Variants in LMBR1 observed in about 807,000 individuals in gnomAD.
LMBR1 encodes the protein limb development membrane protein 1, also known as limb region 1 protein homolog.
LMBR1 carries 52 observed loss-of-function variants against 73.9 expected under a neutral mutation model. The observed-to-expected ratio is 0.70, with a 90% CI of 0.56 to 0.89. The LOEUF (loss-of-function observed/expected upper bound fraction) is 0.89, where lower values mean the gene tolerates loss of function less well. Ranked by LOEUF, LMBR1 falls within the 40% of genes least tolerant of loss-of-function variation. LMBR1 has a pLI of 0.00. For synonymous variants in LMBR1, 215 were observed against 209.4 expected (o/e 1.03, Z -0.23); for missense variants, 539 against 579.8 (o/e 0.93, Z 0.72).
At chr7:156,785,751 C>CA (rs1039832750) in intron 5 of LMBR1, among the ~76,000 whole-genome samples, 8 of 152,060 alleles carry the variant, frequency 5.3e-5, no homozygotes, top group Admixed American at 3.3e-4. Context: ...CCAAAGAATG[C>CA]AAAAAAGTTA....
intron 15 of LMBR1, among the ~76,000 whole-genome samples, chr7:156,691,743 T>TAA (rs35083004): frequency 0.026 from 3,872 of 150,288 alleles, 161 homozygotes; most frequent in African/African-American, 0.087. Context: ...CTTGTTATTT[T>TAA]AAAAAAAAAA....
chr7:156,769,139 C>T (rs1475431368), intron 5 of LMBR1, among the ~76,000 whole-genome samples: 3 of 152,108 alleles, frequency 2.0e-5, no homozygotes, highest in Non-Finnish European at 2.9e-5. Context: ...AGCTACATCA[C>T]AGATGGAATA....
chr7:156,735,395 T>C (rs1218410192), intron 9 of LMBR1, among the ~76,000 whole-genome samples: 1 of 152,092 alleles, frequency 6.6e-6, no homozygotes, highest in African/African-American at 2.4e-5. Flanking sequence ...TCTATGCATT[T>C]ATCACCTGAA....
chr7:156,729,473 T>C (rs1356228373), intron 10 of LMBR1, among the ~76,000 whole-genome samples: 1 of 110,636 alleles, frequency 9.0e-6, no homozygotes, highest in Non-Finnish European at 1.8e-5. Context: ...ATCCCTTCTA[T>C]TCTTTTTTTT....
rs570282666 is a variant in LMBR1, at chr7:156,806,636, G to A, written c.320-10144C>T. On this transcript the variant is annotated intron_variant, in intron 4 of 16. Transcript: ENST00000353442. The stretch of plus-strand genomic sequence containing the variant: ...TTTTTTTTTTTTTTTTTGAGACGGA[G>A]TCTCACTCTGTCGCCCAGGCTGGAG... 8.2e-4 allele frequency among the ~76,000 whole-genome samples: 93 copies of A among 113,822 alleles called. 1 individual carries two copies. Among genetic ancestry groups the A allele is most frequent in the African/African-American group, 3.2e-3 (91 of 28,268 alleles). 74.7% of individuals were successfully genotyped at this position (113,822 alleles called of 152,430 possible).
chr7:156,743,541 G>GACA (rs774760260), intron 9 of LMBR1, among the ~76,000 whole-genome samples: 15 of 152,184 alleles, frequency 9.9e-5, no homozygotes, highest in Non-Finnish European at 5.9e-5. Flanking sequence ...GCTCAACAGT[G>GACA]ACATCAAGGG....
chr7:156,863,580 G>A (rs1157957817), intron 1 of LMBR1, among the ~76,000 whole-genome samples: 1 of 152,074 alleles, frequency 6.6e-6, no homozygotes, highest in East Asian at 1.9e-4. Flanking sequence ...GCTTATGTTC[G>A]ATTTAGTAAA....
chr7:156,766,989 T>C (rs1220804701), intron 5 of LMBR1, among the ~76,000 whole-genome samples: 1 of 152,096 alleles, frequency 6.6e-6, no homozygotes, highest in Admixed American at 6.6e-5. Context: ...ACAAATTTGG[T>C]TGAGCCATGA....
chr7:156,890,502 A>G (rs1586503617), intron 1 of LMBR1, among the ~76,000 whole-genome samples: 1 of 152,254 alleles, frequency 6.6e-6, no homozygotes, highest in Non-Finnish European at 1.5e-5. Context: ...GCAAATCAAT[A>G]TTAAAAAGAT....
intron 1 of LMBR1, among the ~76,000 whole-genome samples, chr7:156,863,341 AT>A (rs543539443): frequency 0.13 from 19,108 of 145,940 alleles, 1,250 homozygotes; most frequent in African/African-American, 0.15. Context: ...GTCTTTTCAC[AT>A]TTTTTTTTTT....
At chr7:156,792,816 T>C (rs1220959076) in intron 5 of LMBR1, among the ~76,000 whole-genome samples, 2 of 152,082 alleles carry the variant, frequency 1.3e-5, no homozygotes, top group African/African-American at 4.8e-5. Flanking sequence ...TGAACATCGA[T>C]TGCCCAGGGG....
At chr7:156,741,248 C>T (rs1187572194) in intron 9 of LMBR1, among the ~76,000 whole-genome samples, 2 of 152,008 alleles carry the variant, frequency 1.3e-5, no homozygotes, top group Non-Finnish European at 2.9e-5. Flanking sequence ...GAAGAGAAGA[C>T]TATACAAAAC....
intron 4 of LMBR1, among the ~76,000 whole-genome samples, chr7:156,812,202 T>C (rs1045060843): frequency 6.6e-6 from 1 of 152,148 alleles, no homozygotes; most frequent in African/African-American, 2.4e-5. Context: ...AAAAAGGACT[T>C]GGCAGGTGTA....
At chr7:156,824,158 A>G (rs1310479964) in intron 4 of LMBR1, among the ~76,000 whole-genome samples, 1 of 152,114 alleles carries the variant, frequency 6.6e-6, no homozygotes, top group African/African-American at 2.4e-5. Flanking sequence ...GCGCGCTGAA[A>G]AAATGTGGAG....
rs575727516 is a variant in LMBR1, at chr7:156,686,713, C to T, written c.1387+1317G>A. Among the ~76,000 whole-genome samples, 3 of 152,280 alleles carry T rather than the reference C, an allele frequency of 2.0e-5. No individual in the cohort carries two copies. In the South Asian group the frequency reaches 6.2e-4, roughly 32 times the overall value. ...CTTAGCAAAATGATGTCCAGAATAC[C>T]TAATTCAAAAGCTAAAGTTACGGCA... is the stretch of plus-strand genomic sequence containing the variant. On this transcript the variant is annotated intron_variant, in intron 16 of 16. Coordinates refer to ENST00000353442, the MANE Select transcript of LMBR1 (RefSeq NM_022458.4).
At chr7:156,760,356 G>T (rs766541674) in intron 8 of LMBR1, among the ~76,000 whole-genome samples, 11 of 152,238 alleles carry the variant, frequency 7.2e-5, no homozygotes, top group Non-Finnish European at 1.3e-4. Flanking sequence ...TCAGCTCCAT[G>T]GGGTATTCAA....
chr7:156,836,977 G>C, intron 1 of LMBR1, 92 bp from the exon 2 acceptor site: 1 of 800,932 alleles, frequency 1.2e-6, no homozygotes. Flanking sequence ...TAGGAAAAAA[G>C]GATTTAAACT....
At chr7:156,719,788 G>A (rs528969930) in intron 15 of LMBR1, among the ~76,000 whole-genome samples, 1 of 152,252 alleles carries the variant, frequency 6.6e-6, no homozygotes, top group African/African-American at 2.4e-5. Context: ...AGAGCCCTCA[G>A]AAATAATGCC....
intron 4 of LMBR1, among the ~76,000 whole-genome samples, chr7:156,805,574 C>T (rs920558340): frequency 6.6e-6 from 1 of 152,164 alleles, no homozygotes; most frequent in African/African-American, 2.4e-5. Flanking sequence ...GATGGTCAAT[C>T]CTCTAACTTT....
Sources: allele counts gnomAD v4.1 joint callset (sites outside exome capture counted in the v4.1 genomes callset), GRCh38; gene constraint gnomAD v4.1.1; transcripts MANE v1.5; gene names NCBI Gene and HGNC (gene_info 2026-07-23, HGNC 2026-07-21).